IGSF10: variants seen among roughly 807,000 people sequenced by gnomAD.
The protein encoded by IGSF10 is calvaria mechanical force protein 608.
A neutral mutation model predicts 128.2 loss-of-function variants in IGSF10; 126 were observed. The observed-to-expected ratio is 0.98, with a 90% CI of 0.85 to 1.14. IGSF10 has a LOEUF of 1.14. IGSF10 is among the 50% of genes most tolerant of loss of function. IGSF10 has a pLI of 0.00. For synonymous variants in IGSF10, 1,185 were observed against 1,146.2 expected (o/e 1.03, Z -0.68); for missense variants, 3,295 against 3,149.8 (o/e 1.05, Z -1.10).
chr3:151,474,703 G>T, the IGSF10 span, among the ~76,000 whole-genome samples: 7 of 152,164 alleles, frequency 4.6e-5, no homozygotes, highest in Non-Finnish European at 1.0e-4. Context: ...CCAAGACTGG[G>T]CAATTTACAG....
the IGSF10 span, among the ~76,000 whole-genome samples, chr3:151,477,568 T>C: frequency 6.6e-6 from 1 of 152,240 alleles, no homozygotes; most frequent in Non-Finnish European, 1.5e-5. Context: ...TGAAATAAGC[T>C]ATAGACATGT....
At chr3:151,592,526 T>C in the IGSF10 span, among the ~76,000 whole-genome samples, 1 of 152,112 alleles carries the variant, frequency 6.6e-6, no homozygotes. Flanking sequence ...TAAATTAGTG[T>C]TGCAGTCAAG....
chr3:151,598,851 A>T, the IGSF10 span, among the ~76,000 whole-genome samples: 4 of 152,206 alleles, frequency 2.6e-5, no homozygotes, highest in African/African-American at 9.6e-5. Flanking sequence ...ATTTGTATTT[A>T]ACATCAAAGC....
chr3:151,438,458 G>GTCTT lies in IGSF10; in HGVS notation c.6099_6102dup (p.Leu2035LysfsTer8). ...TTGTGGTCAATTTTGGCAGGTTTCA[G>GTCTT]TCTTAGGCTAACATGCATCAGTATC... On this transcript the variant is annotated frameshift_variant, in exon 8 of 8. Coordinates refer to ENST00000282466, the MANE Select transcript of IGSF10 (RefSeq NM_178822.5). LOFTEE classifies it low-confidence loss of function (END_TRUNC). 6.2e-7 allele frequency: 1 copy of GTCTT among 1,614,128 alleles called. No individual in the cohort carries two copies. The highest frequency in any genetic ancestry group is 8.5e-7 in the Non-Finnish European group (1 of 1,180,022).
At chr3:151,619,501 A>C in the IGSF10 span, among the ~76,000 whole-genome samples, 6 of 151,546 alleles carry the variant, frequency 4.0e-5, no homozygotes, top group African/African-American at 1.5e-4. Context: ...ATTTGTGGTA[A>C]TAGACCAAAA....
the IGSF10 span, among the ~76,000 whole-genome samples, chr3:151,606,532 T>A: frequency 3.3e-5 from 5 of 152,308 alleles, no homozygotes; most frequent in African/African-American, 1.2e-4. Context: ...GGGAGGAGAA[T>A]GAGTGGACAC....
At chr3:151,487,551 T>C in the IGSF10 span, among the ~76,000 whole-genome samples, 1 of 152,114 alleles carries the variant, frequency 6.6e-6, no homozygotes, top group Non-Finnish European at 1.5e-5. Context: ...CAGGCCAATA[T>C]CTCTGATTAA....
rs200097610 is a variant in IGSF10, at chr3:151,445,914, G to A, written c.4067C>T (p.Thr1356Ile). 4.5e-5 allele frequency: 73 copies of A among 1,614,056 alleles called. No individual in the cohort carries two copies. Among genetic ancestry groups the A allele is most frequent in the Non-Finnish European group, 5.7e-5 (67 of 1,180,038 alleles). ...CTGGTCTGGAGAGATGTTTGGGTCAGTCCTGTTCTTCTTTTGAGGCTCCTG... is the reference window on the plus strand; with the variant it reads ...CTGGTCTGGAGAGATGTTTGGGTCAATCCTGTTCTTCTTTTGAGGCTCCTG... ...REQEPQKKNR[T>I]DPNISPDQSS... The change falls in exon 6 of 8, where the codon ACT becomes ATT. Residue 1356 changes from threonine (T) to isoleucine (I), a missense_variant. Coordinates refer to ENST00000282466, the MANE Select transcript of IGSF10 (RefSeq NM_178822.5).
the IGSF10 span, among the ~76,000 whole-genome samples, chr3:151,486,985 C>T: frequency 1.1e-4 from 17 of 149,910 alleles, no homozygotes; most frequent in Middle Eastern, 3.4e-3. Context: ...AACTAAGATC[C>T]GAGCAGAACT....
At chr3:151,513,367 A>C in the IGSF10 span, among the ~76,000 whole-genome samples, 1 of 152,196 alleles carries the variant, frequency 6.6e-6, no homozygotes, top group African/African-American at 2.4e-5. Flanking sequence ...CAAAAGACAA[A>C]AACTACATGA....
At chr3:151,433,584 C>T (rs1415657568), downstream of IGSF10, 1 of 152,232 alleles carries the variant, frequency 6.6e-6, no homozygotes, top group Non-Finnish European at 1.5e-5. Context: ...ACATGTAAAT[C>T]CTAAAGGCCT....
At chr3:151,597,580 C>G in the IGSF10 span, among the ~76,000 whole-genome samples, 3 of 152,130 alleles carry the variant, frequency 2.0e-5, no homozygotes, top group Non-Finnish European at 4.4e-5. Flanking sequence ...CATAGAAACC[C>G]ATAAATGAAG....
At chr3:151,453,823 C>A (rs779359852) in intron 4 of IGSF10, 49 bp from the exon 5 acceptor site, 13 of 1,210,996 alleles carry the variant, frequency 1.1e-5, no homozygotes, top group Non-Finnish European at 1.4e-5. Context: ...GGAATTTTCA[C>A]AAGAGGGAAA....
At chr3:151,481,407 T>C in the IGSF10 span, among the ~76,000 whole-genome samples, 1 of 152,164 alleles carries the variant, frequency 6.6e-6, no homozygotes, top group Non-Finnish European at 1.5e-5. Context: ...GCACCTGGCC[T>C]CACAGAGCTA....
At chr3:151,517,385 C>T in the IGSF10 span, among the ~76,000 whole-genome samples, 2 of 151,936 alleles carry the variant, frequency 1.3e-5, no homozygotes, top group African/African-American at 4.8e-5. Flanking sequence ...TTTACAGGCA[C>T]CCTGGCCAAG....
At position 151,457,025 on chromosome 3, in the gene IGSF10, C is replaced by A. The variant is rs924516336; in HGVS notation, c.324+1G>T. The A allele has an allele frequency of 1.2e-6, 2 of 1,614,162 alleles. No individual in the cohort carries two copies. Among genetic ancestry groups the A allele is most frequent in the Admixed American group, 3.3e-5 (2 of 60,016 alleles). On this transcript the variant is annotated splice_donor_variant, in intron 4 of 7. Coordinates refer to ENST00000282466, the MANE Select transcript of IGSF10 (RefSeq NM_178822.5). LOFTEE classifies it high-confidence loss of function. ...CTGCCCCCTCTCTCCATCAGTCTCA[C>A]CTGCAAGGCCTGCAAATCTGAGAAG...
downstream of IGSF10, chr3:151,433,368 T>A (rs1719745055): frequency 6.6e-6 from 1 of 152,654 alleles, no homozygotes; most frequent in Admixed American, 6.5e-5. Flanking sequence ...ACTTTGTTCT[T>A]ATTTATGTAG....
chr3:151,548,765 T>A, the IGSF10 span, among the ~76,000 whole-genome samples: 430 of 152,098 alleles, frequency 2.8e-3, 2 homozygotes, highest in African/African-American at 9.4e-3. Flanking sequence ...GAGTTTCTCT[T>A]ATTTAGAGGC....
At chr3:151,440,771 C>G (rs1720808329) in intron 7 of IGSF10, 1 of 372,994 alleles carries the variant, frequency 2.7e-6, no homozygotes, top group Non-Finnish European at 5.4e-6. Context: ...GCTTGGGCAT[C>G]AGGATTCTTA....
Sources: gnomAD v4.1 joint callset for allele counts (sites outside exome capture counted in the v4.1 genomes callset) on GRCh38, gnomAD v4.1.1 for gene constraint, MANE v1.5 for transcripts, NCBI Gene and HGNC (gene_info 2026-07-23, HGNC 2026-07-21) for gene names.